The following ITPR2 variants were observed in gnomAD, a reference collection of about 807,000 sequenced individuals.
The protein encoded by ITPR2 is inositol 1,4,5-trisphosphate receptor type 2.
Under a neutral mutation model 317.1 loss-of-function variants are expected in ITPR2, and 207 were observed. That is an observed-to-expected ratio of 0.65 (90% CI 0.58 to 0.73). ITPR2 has a LOEUF of 0.73. Ranked by LOEUF, ITPR2 falls within the 30% of genes least tolerant of loss-of-function variation. ITPR2 has a pLI of 0.00. For missense variants in ITPR2, 2,613 were observed against 3,284.0 expected (o/e 0.80, Z 4.99); for synonymous variants, 1,156 against 1,149.1 (o/e 1.01, Z -0.12).
At chr12:26,623,651 T>C (rs1946554560) in intron 24 of ITPR2, among the ~76,000 whole-genome samples, 1 of 152,328 alleles carries the variant, frequency 6.6e-6, no homozygotes, top group East Asian at 1.9e-4. Flanking sequence ...AAGACTACTG[T>C]ACAGACTGTT....
At chr12:26,578,942 C>A in intron 33 of ITPR2, 109 bp from the exon 34 acceptor site, 2 of 1,134,538 alleles carry the variant, frequency 1.8e-6, no homozygotes, top group African/African-American at 1.6e-5. Flanking sequence ...AAAATACAAT[C>A]TTTCAAGTTT....
At chr12:26,502,608 T>C (rs1055881243) in intron 37 of ITPR2, among the ~76,000 whole-genome samples, 4 of 152,060 alleles carry the variant, frequency 2.6e-5, no homozygotes, top group Non-Finnish European at 5.9e-5. Context: ...CTGGGGAAAA[T>C]GGAACTTCAA....
At chr12:26,767,322 G>T (rs1005953239) in intron 2 of ITPR2, among the ~76,000 whole-genome samples, 6 of 152,174 alleles carry the variant, frequency 3.9e-5, no homozygotes, top group African/African-American at 1.2e-4. Flanking sequence ...CCCTCCAGAG[G>T]TTCAGAGCAG....
At chr12:26,459,658 C>T (rs1941966964) in intron 45 of ITPR2, among the ~76,000 whole-genome samples, 1 of 152,102 alleles carries the variant, frequency 6.6e-6, no homozygotes, top group African/African-American at 2.4e-5. Context: ...TTCAATTCCT[C>T]CTTCTTTCTG....
At chr12:26,817,829 C>T (rs551970670) in intron 1 of ITPR2, among the ~76,000 whole-genome samples, 22 of 152,258 alleles carry the variant, frequency 1.4e-4, no homozygotes, top group African/African-American at 5.3e-4. Flanking sequence ...TTTCCCATGT[C>T]CATATTTCAA....
intron 5 of ITPR2, among the ~76,000 whole-genome samples, chr12:26,720,299 T>A (rs1373388644): frequency 1.3e-5 from 2 of 152,200 alleles, no homozygotes; most frequent in Non-Finnish European, 2.9e-5. Flanking sequence ...TCTTAAAATA[T>A]CATCTTAAAA....
chr12:26,690,659 G>T (rs1241670381), intron 10 of ITPR2, among the ~76,000 whole-genome samples: 1 of 152,076 alleles, frequency 6.6e-6, no homozygotes, highest in Non-Finnish European at 1.5e-5. Flanking sequence ...TCAGACCCAG[G>T]TTCCTACAGA....
chr12:26,509,950 T>A (rs2136911975), intron 37 of ITPR2, among the ~76,000 whole-genome samples: 2 of 118,292 alleles, frequency 1.7e-5, no homozygotes, highest in East Asian at 4.8e-4. Flanking sequence ...AACAAGTAGA[T>A]AAGGGTTTTG....
At chr12:26,531,032 A>T (rs1943929402) in intron 37 of ITPR2, among the ~76,000 whole-genome samples, 2 of 152,226 alleles carry the variant, frequency 1.3e-5, no homozygotes, top group Admixed American at 1.3e-4. Flanking sequence ...TGCTAAGTAG[A>T]TTTGGTAAAA....
intron 1 of ITPR2, among the ~76,000 whole-genome samples, chr12:26,816,539 T>C (rs1175703103): frequency 6.6e-6 from 1 of 152,220 alleles, no homozygotes; most frequent in Non-Finnish European, 1.5e-5. Flanking sequence ...GTATCTACTA[T>C]GTGACAGACA....
chr12:26,675,210 G>T (rs1308420319), intron 13 of ITPR2, among the ~76,000 whole-genome samples: 2 of 152,106 alleles, frequency 1.3e-5, no homozygotes, highest in African/African-American at 2.4e-5. Flanking sequence ...TATACCCAAA[G>T]GACTATAAAT....
intron 55 of ITPR2, among the ~76,000 whole-genome samples, chr12:26,385,400 T>C (rs528393961): frequency 6.6e-6 from 1 of 152,328 alleles, no homozygotes; most frequent in Non-Finnish European, 1.5e-5. Flanking sequence ...TTGCTCTCTT[T>C]GACTTCCCCT....
rs139985205 is a variant in ITPR2, at chr12:26,787,357, A to G, written c.163+2800T>C. Among the ~76,000 whole-genome samples the G allele has an allele frequency of 4.1e-3, 620 of 152,344 alleles. 3 individuals are homozygous for G. The highest frequency in any genetic ancestry group is 0.014 in the African/African-American group (578 of 41,580). The stretch of plus-strand genomic sequence containing the variant: ...GTAAACCAGCAAGGATAATGACCTC[A>G]ATGACTGGATTACAGGAAAAGCCAG... On this transcript the variant is annotated intron_variant, in intron 2 of 56. Coordinates refer to ENST00000381340, the MANE Select transcript of ITPR2 (RefSeq NM_002223.4).
At chr12:26,729,728 C>T (rs113896415) in intron 2 of ITPR2, among the ~76,000 whole-genome samples, 1,712 of 152,012 alleles carry the variant, frequency 0.011, 27 homozygotes, top group African/African-American at 0.039. Flanking sequence ...TTATATTTAG[C>T]TCCCACTTAT....
At chr12:26,631,815 T>C (rs915862985) in intron 22 of ITPR2, 51 bp downstream of exon 22, 1 of 1,519,646 alleles carries the variant, frequency 6.6e-7, no homozygotes. Context: ...AGAAGTTAAA[T>C]CAATAAGCAA....
intron 13 of ITPR2, among the ~76,000 whole-genome samples, chr12:26,680,978 A>T (rs1401761343): frequency 6.6e-6 from 1 of 152,184 alleles, no homozygotes; most frequent in African/African-American, 2.4e-5. Flanking sequence ...GCATACATCA[A>T]TTATCATCTC....
chr12:26,415,026 C>CTA (rs887623764), intron 51 of ITPR2, among the ~76,000 whole-genome samples: 2 of 152,154 alleles, frequency 1.3e-5, no homozygotes, highest in Admixed American at 1.3e-4. Context: ...AAGTTGTTGA[C>CTA]TATCTTTTGG....
intron 32 of ITPR2, among the ~76,000 whole-genome samples, chr12:26,584,944 C>T (rs1201672087): frequency 6.6e-6 from 1 of 152,084 alleles, no homozygotes; most frequent in Non-Finnish European, 1.5e-5. Flanking sequence ...ATTTGTGAGG[C>T]CAAAACTTTT....
chr12:26,634,182 T>C (rs1311410121), intron 21 of ITPR2, among the ~76,000 whole-genome samples: 1 of 152,204 alleles, frequency 6.6e-6, no homozygotes, highest in African/African-American at 2.4e-5. Context: ...TGCTACATTT[T>C]CTGGATTTGG....
Sources: allele counts gnomAD v4.1 joint callset (sites outside exome capture counted in the v4.1 genomes callset), GRCh38; gene constraint gnomAD v4.1.1; transcripts MANE v1.5; gene names NCBI Gene and HGNC (gene_info 2026-07-23, HGNC 2026-07-21).